EIF3B: variants seen among roughly 807,000 people sequenced by gnomAD.
The protein encoded by EIF3B is eukaryotic translation initiation factor 3 subunit 9.
Under a neutral mutation model 104.6 loss-of-function variants are expected in EIF3B, and 10 were observed. The observed-to-expected ratio is 0.10, with a 90% CI of 0.06 to 0.16. The LOEUF (loss-of-function observed/expected upper bound fraction) is 0.16, where lower values mean the gene tolerates loss of function less well. Among genes scored for constraint, EIF3B ranks in the 10% least tolerant of loss-of-function variants. EIF3B has a pLI of 1.00. For missense variants in EIF3B, 1,014 were observed against 1,087.9 expected, an observed-to-expected ratio of 0.93 and a Z score of 0.96; for synonymous variants, 542 against 417.2, an observed-to-expected ratio of 1.30 and a Z score of -3.65.
chr7:2,371,930 G>A, intron 11 of EIF3B, 81 bp downstream of exon 11: 1 of 1,134,514 alleles, frequency 8.8e-7, no homozygotes, highest in Non-Finnish European at 1.3e-6. Context: ...CCATGCGAGG[G>A]GTTGTCTGAG....
intron 15 of EIF3B, 44 bp downstream of exon 15, chr7:2,377,119 T>C (rs992887943): frequency 3.8e-6 from 6 of 1,559,136 alleles, no homozygotes; most frequent in Non-Finnish European, 3.5e-6. Context: ...ATGGAGGCAA[T>C]TGTGGCGTTG....
chr7:2,379,386 C>G lies in EIF3B; in HGVS notation c.2342-8C>G. On this transcript the variant is annotated splice_polypyrimidine_tract_variant and splice_region_variant and intron_variant, in intron 17 of 18. Transcript: ENST00000360876. ...CCCATGGGTGATCTGCGCCCTTTGT[C>G]CCCTCAGGGGTGGACACTGACGAGC... 1 of 1,580,766 alleles carries G rather than the reference C, an allele frequency of 6.3e-7. No individual in the cohort carries two copies. The highest frequency in any genetic ancestry group is 8.6e-7 in the Non-Finnish European group (1 of 1,162,466).
rs922864560 is a variant in EIF3B, at chr7:2,360,886, G to A, written c.676G>A (p.Asp226Asn). 4.3e-5 allele frequency: 70 copies of A among 1,611,158 alleles called. No individual in the cohort carries two copies. Among genetic ancestry groups the A allele is most frequent in the Non-Finnish European group, 5.9e-5 (69 of 1,177,692 alleles). Reference sequence around the variant, plus strand: ...CACAAATGATTTTTATCCTGAAGAGGATGGGAAGACAAAAGGGTGAGTGTT... The same window carrying A: ...CACAAATGATTTTTATCCTGAAGAGAATGGGAAGACAAAAGGGTGAGTGTT... ...KITNDFYPEE[D>N]GKTKGYIFLE... The change falls in exon 2 of 19, where the codon GAT becomes AAT. Residue 226 changes from aspartate to asparagine, a missense_variant. Asp to Asn is a conservative substitution (Grantham distance 23, BLOSUM62 1). Around this residue, in one of 4 missense-constraint regions of EIF3B, gnomAD observed 488 missense variants for 404.3 expected, o/e 1.21. Coordinates refer to ENST00000360876, the MANE Select transcript of EIF3B (RefSeq NM_001037283.2).
chr7:2,369,117 G>A (rs1205091773), intron 9 of EIF3B, among the ~76,000 whole-genome samples: 1 of 152,180 alleles, frequency 6.6e-6, no homozygotes, highest in Non-Finnish European at 1.5e-5. Context: ...CATGTAGCCA[G>A]ATCCGTCAGC....
At chr7:2,374,961 C>T in intron 13 of EIF3B, 1 of 304,152 alleles carries the variant, frequency 3.3e-6, no homozygotes, top group South Asian at 6.8e-5. Context: ...ATTCGTTACA[C>T]AGCTGTGAGG....
At chr7:2,365,404 A>G (rs896302647) in intron 6 of EIF3B, among the ~76,000 whole-genome samples, 11 of 151,982 alleles carry the variant, frequency 7.2e-5, no homozygotes, top group Non-Finnish European at 1.6e-4. Flanking sequence ...CTCTAGGGAA[A>G]GGGGCAGTTG....
intron 9 of EIF3B, among the ~76,000 whole-genome samples, chr7:2,368,379 C>T (rs1286509869): frequency 1.3e-5 from 2 of 152,222 alleles, no homozygotes; most frequent in East Asian, 1.9e-4. Flanking sequence ...CTCCTGACCT[C>T]AAGTGATCCG....
chr7:2,358,320 G>A (rs1779560191), intron 1 of EIF3B, among the ~76,000 whole-genome samples: 1 of 152,116 alleles, frequency 6.6e-6, no homozygotes, highest in Non-Finnish European at 1.5e-5. Flanking sequence ...CTGGCCTCAT[G>A]TGATTTGCCT....
At chr7:2,363,586 T>C (rs1779856212) in intron 4 of EIF3B, 46 bp from the exon 5 acceptor site, 1 of 1,550,962 alleles carries the variant, frequency 6.4e-7, no homozygotes, top group Admixed American at 2.0e-5. Context: ...AATGAGTTTT[T>C]TATTAAAATT....
rs112962518 is a variant in EIF3B at position 2,363,232 on chromosome 7, C to T, written c.870+105C>T. 61 of 1,177,782 alleles carry T rather than the reference C, an allele frequency of 5.2e-5. 1 individual carries two copies. The highest frequency in any genetic ancestry group is 4.2e-4 in the African/African-American group (28 of 66,614). The allele number at this position is 1,177,782 out of a possible 1,614,324, so 73.0% of individuals were successfully genotyped here. A position where few individuals can be genotyped will look rare whatever the true frequency, so the allele number is the denominator to read the frequency against. On this transcript the variant is annotated intron_variant, in intron 4 of 18. Transcript: ENST00000360876. ...CTTAGGGAGGCTGAGGTGGGAGGAT[C>T]GCTTAAGCCCAGGAATTCAAGACCA... is the stretch of plus-strand genomic sequence containing the variant.
At chr7:2,359,850 G>C (rs73045203) in intron 1 of EIF3B, among the ~76,000 whole-genome samples, 3,297 of 152,282 alleles carry the variant, frequency 0.022, 62 homozygotes, top group Admixed American at 0.072. Flanking sequence ...TGCTTGATGC[G>C]ACACCCACGT....
At chr7:2,363,162 A>G (rs1479775852) in intron 4 of EIF3B, 35 bp downstream of exon 4, 5 of 1,607,114 alleles carry the variant, frequency 3.1e-6, no homozygotes, top group Non-Finnish European at 4.3e-6. Context: ...CAGTGGTTTA[A>G]AGAAATGCTG....
intron 9 of EIF3B, among the ~76,000 whole-genome samples, chr7:2,369,200 C>G (rs1216576615): frequency 6.6e-6 from 1 of 152,160 alleles, no homozygotes; most frequent in Admixed American, 6.5e-5. Context: ...AGGCTGGAGT[C>G]CATATGAGTC....
At chr7:2,370,522 A>G (rs1768205559) in intron 10 of EIF3B, among the ~76,000 whole-genome samples, 1 of 152,296 alleles carries the variant, frequency 6.6e-6, no homozygotes, top group Non-Finnish European at 1.5e-5. Flanking sequence ...TAATAGAAGT[A>G]TTCTTCTTTC....
At chr7:2,365,510 CA>C (rs1779962200) in intron 6 of EIF3B, among the ~76,000 whole-genome samples, 1 of 152,196 alleles carries the variant, frequency 6.6e-6, no homozygotes, top group Non-Finnish European at 1.5e-5. Context: ...CCGTCTGTTA[CA>C]CACTTTGTGT....
At chr7:2,371,639 CT>C in intron 10 of EIF3B, 137 bp from the exon 11 acceptor site, 2 of 697,922 alleles carry the variant, frequency 2.9e-6, no homozygotes, top group Non-Finnish European at 5.1e-6. Flanking sequence ...AGGGCTGTGG[CT>C]TTCATCACTG....
intron 16 of EIF3B, 106 bp downstream of exon 16, chr7:2,378,872 C>G (rs965810746): frequency 3.9e-6 from 4 of 1,022,908 alleles, no homozygotes; most frequent in South Asian, 2.8e-5. Context: ...GCCTCTGCTC[C>G]GAAGACACTG....
chr7:2,374,998 C>T (rs146046368), intron 13 of EIF3B: 2 of 302,212 alleles, frequency 6.6e-6, no homozygotes, highest in African/African-American at 2.1e-5. Flanking sequence ...GTTGGTGTCA[C>T]GGTGTCGGTC....
chr7:2,366,920 C>G, intron 8 of EIF3B, 79 bp from the exon 9 acceptor site: 1 of 1,461,938 alleles, frequency 6.8e-7, no homozygotes, highest in East Asian at 2.3e-5. Flanking sequence ...ACTCTTGTTT[C>G]CTTTTGTAAA....
Sources: gnomAD v4.1 joint callset for allele counts (sites outside exome capture counted in the v4.1 genomes callset) on GRCh38, gnomAD v4.1.1 for gene constraint, gnomAD v4.1.1 regional missense constraint, MANE v1.5 for transcripts, NCBI Gene and HGNC (gene_info 2026-07-23, HGNC 2026-07-21) for gene names.